MDFI: variants seen among roughly 807,000 people sequenced by gnomAD.
The protein encoded by MDFI is inhibitor of MyoD family a.
MDFI carries 16 observed loss-of-function variants against 22.3 expected under a neutral mutation model. The ratio of observed to expected loss-of-function variants is 0.72; its 90% CI spans 0.49 to 1.09. The LOEUF is 1.09. Among genes scored for constraint, MDFI ranks in the 50% least tolerant of loss-of-function variants. The pLI, the probability that MDFI is intolerant of heterozygous loss-of-function variation, is 0.00. For synonymous variants in MDFI, 145 were observed against 142.7 expected (o/e 1.02, Z -0.12); for missense variants, 314 against 326.1 (o/e 0.96, Z 0.29).
chr6:41,637,127 T>C (rs1156483287), upstream of MDFI: 1 of 151,830 alleles, frequency 6.6e-6, no homozygotes, highest in Non-Finnish European at 1.5e-5. This position sits in a 1 kb window ranked among gnomAD's most constrained non-coding sequence, Gnocchi z 6.8. Context: ...GGCGGAACAC[T>C]CTCTTCTTGT....
intron 3 of MDFI, 82 bp downstream of exon 3, chr6:41,646,390 T>G: frequency 7.9e-7 from 1 of 1,259,544 alleles, no homozygotes; most frequent in East Asian, 3.0e-5. Context: ...TCGGCAAAAA[T>G]GGGTGCACCC....
upstream of MDFI, among the ~76,000 whole-genome samples, chr6:41,637,481 G>A (rs576045386): frequency 2.0e-5 from 3 of 152,040 alleles, no homozygotes; most frequent in Non-Finnish European, 4.4e-5. The surrounding 1 kb of genome is among the most constrained non-coding windows in gnomAD (Gnocchi z 6.8). Flanking sequence ...GACAAGTACG[G>A]CCGAGACGCT....
chr6:41,639,168 T>C lies in MDFI; in HGVS notation c.76+343T>C, dbSNP rs1323497226. ...GTGTCTCAACTGTTTCTGCCCAGTGTGTAAATATTTGTGGGGGCCTGGTGT... is the reference window on the plus strand; with the variant it reads ...GTGTCTCAACTGTTTCTGCCCAGTGCGTAAATATTTGTGGGGGCCTGGTGT... On this transcript the variant is annotated intron_variant, in intron 2 of 4. Transcript: ENST00000230321. The C allele has an allele frequency of 7.8e-6, 7 of 893,414 alleles. No homozygotes were observed. In the Admixed American group the frequency reaches 4.3e-4, roughly 55 times the overall value. 55.3% of individuals were successfully genotyped at this position (893,414 alleles called of 1,614,324 possible). A position where few individuals can be genotyped will look rare whatever the true frequency, so the allele number is the denominator to read the frequency against.
intron 2 of MDFI, among the ~76,000 whole-genome samples, chr6:41,640,663 C>T (rs963267581): frequency 1.3e-5 from 2 of 152,214 alleles, no homozygotes; most frequent in South Asian, 2.1e-4. Context: ...AAGGCCACAG[C>T]GCTGCCCCAG....
intron 2 of MDFI, among the ~76,000 whole-genome samples, chr6:41,643,554 G>GAAGT: frequency 1.1e-5 from 1 of 90,366 alleles, no homozygotes; most frequent in African/African-American, 3.9e-5. Flanking sequence ...AGGAGGGAAG[G>GAAGT]AAGGAAGGAA....
At chr6:41,640,061 T>C (rs910047283) in intron 2 of MDFI, 60 of 545,868 alleles carry the variant, frequency 1.1e-4, no homozygotes, top group Non-Finnish European at 1.3e-4. Context: ...TTGCCTGCTG[T>C]CTCTGTGGGG....
At chr6:41,648,620 C>T (rs567076151) in intron 3 of MDFI, among the ~76,000 whole-genome samples, 1 of 152,274 alleles carries the variant, frequency 6.6e-6, no homozygotes, top group East Asian at 1.9e-4. Flanking sequence ...GTGCCCCCCA[C>T]ATTTACAGAG....
At chr6:41,652,823 G>A (rs1050482795) in intron 4 of MDFI, among the ~76,000 whole-genome samples, 1 of 151,934 alleles carries the variant, frequency 6.6e-6, no homozygotes, top group African/African-American at 2.4e-5. Flanking sequence ...TCGCCATGTT[G>A]GCCAGGCTGG....
At chr6:41,642,177 G>T (rs1767875246) in intron 2 of MDFI, among the ~76,000 whole-genome samples, 1 of 152,150 alleles carries the variant, frequency 6.6e-6, no homozygotes, top group South Asian at 2.1e-4. Context: ...GTGCAGATTA[G>T]AAAAAGGAAC....
intron 3 of MDFI, among the ~76,000 whole-genome samples, chr6:41,647,983 G>C (rs887192824): frequency 2.9e-5 from 4 of 140,310 alleles, no homozygotes; most frequent in African/African-American, 1.1e-4. Flanking sequence ...GGCGGATGTT[G>C]CAGGGAGCCG....
At position 41,646,151 on chromosome 6, in the gene MDFI, G is replaced by A; in HGVS notation, c.102G>A (p.Gly34=). The change falls in exon 3 of 5, where the codon GGG becomes GGA. Residue 34 remains glycine (G), a synonymous_variant. Transcript: ENST00000230321. ...CCCAGACCCTATCCCTCCTTCCTGG[G>A]CTGGAGGTAGTAACAGGATCCACTC... ...GPAQTLSLLP[G]LEVVTGSTHP... The A allele has an allele frequency of 6.4e-7, 1 of 1,555,964 alleles. No individual in the cohort carries two copies. Among genetic ancestry groups the A allele is most frequent in the Non-Finnish European group, 8.7e-7 (1 of 1,153,258 alleles).
Position 41,649,686 on chromosome 6 carries a change from G to C in MDFI, c.327G>C (p.Glu109Asp). 1 of 1,613,816 alleles carries C rather than the reference G, an allele frequency of 6.2e-7. No homozygotes were observed. The highest frequency in any genetic ancestry group is 8.5e-7 in the Non-Finnish European group (1 of 1,179,874). Reference sequence around the variant, plus strand: ...CGAATGACTCTGGCCACCCCTCAGAGCTGGGCGGCACCAGACGGGCGGGGA... The same window carrying C: ...CGAATGACTCTGGCCACCCCTCAGACCTGGGCGGCACCAGACGGGCGGGGA... ...LLPNDSGHPS[E>D]LGGTRRAGNG... Residue 109 changes from glutamate to aspartate, a missense_variant, in exon 4 of 5, where the codon GAG becomes GAC. Transcript: ENST00000230321.
chr6:41,639,520 G>T (rs1233660108), intron 2 of MDFI: 2 of 985,282 alleles, frequency 2.0e-6, no homozygotes, highest in African/African-American at 1.7e-5. Context: ...TCCCTGAAGG[G>T]GTTTGGAGTA....
chr6:41,638,309 G>A, upstream of MDFI: 1 of 176,442 alleles, frequency 5.7e-6, no homozygotes, highest in Non-Finnish European at 1.2e-5. This position sits in a 1 kb window ranked among gnomAD's most constrained non-coding sequence, Gnocchi z 7.6. Flanking sequence ...GCGGACAGAC[G>A]TGTCCGGCTC....
chr6:41,653,606 C>T lies in MDFI; in HGVS notation c.*31C>T. 1.3e-6 allele frequency: 2 copies of T among 1,596,662 alleles called. No individual in the cohort carries two copies. The highest frequency in any genetic ancestry group is 1.7e-6 in the Non-Finnish European group (2 of 1,177,628). On this transcript the variant is annotated 3_prime_UTR_variant, in exon 5 of 5. Transcript: ENST00000230321. The surrounding 1 kb of genome is among the most constrained non-coding windows in gnomAD (Gnocchi z 4.2). ...TGTCGGGGGCTAAGCCAGCCTGGCG[C>T]CCCTGCAGATTCCAGCAGGGTCCCT...
chr6:41,650,145 A>T, intron 4 of MDFI: 1 of 354,528 alleles, frequency 2.8e-6, no homozygotes. Flanking sequence ...TCTTTCCCAG[A>T]GTTGCTGTGA....
chr6:41,653,142 C>G lies in MDFI; in HGVS notation c.485-177C>G, dbSNP rs1175658729. ...CCGATGTGCTTAACTGTCTGTGCCT[C>G]GGGGTCATCACCTAGAAAATGGAGC... On this transcript the variant is annotated intron_variant, in intron 4 of 4. Transcript: ENST00000230321. This position sits in a 1 kb window ranked among gnomAD's most constrained non-coding sequence, Gnocchi z 4.2. Among the ~76,000 whole-genome samples the G allele has an allele frequency of 6.6e-6, 1 of 152,184 alleles. No homozygotes were observed. Among genetic ancestry groups the G allele is most frequent in the Admixed American group, 6.5e-5 (1 of 15,280 alleles).
upstream of MDFI, chr6:41,637,355 T>C (rs1433045302): frequency 1.3e-5 from 2 of 151,954 alleles, no homozygotes; most frequent in East Asian, 3.9e-4. This position sits in a 1 kb window ranked among gnomAD's most constrained non-coding sequence, Gnocchi z 6.8. Context: ...AGCTCTCCAC[T>C]TCCAGACCCG....
rs1767725562 is a variant in MDFI, at chr6:41,638,713, C to T, written c.-11-26C>T. On this transcript the variant is annotated intron_variant, in intron 1 of 4. Coordinates refer to ENST00000230321, the MANE Select transcript of MDFI (RefSeq NM_005586.4). This position sits in a 1 kb window ranked among gnomAD's most constrained non-coding sequence, Gnocchi z 7.6. ...ATCGCCCCTTGCCCGCCTCCGGCGC[C>T]GCCCGCTGAGCCCTGTTTTCCGCAG... 6.5e-7 allele frequency: 1 copy of T among 1,542,942 alleles called. No homozygotes were observed. Among genetic ancestry groups the T allele is most frequent in the Non-Finnish European group, 8.7e-7 (1 of 1,148,410 alleles).
Sources: gnomAD v4.1 joint callset for allele counts (sites outside exome capture counted in the v4.1 genomes callset) on GRCh38, gnomAD v4.1.1 for gene constraint, Gnocchi (gnomAD v3.1) non-coding constraint, MANE v1.5 for transcripts, NCBI Gene and HGNC (gene_info 2026-07-23, HGNC 2026-07-21) for gene names.